Variants in LPAR1 observed in about 807,000 individuals in gnomAD.
LPAR1 encodes LPA receptor 1.
A neutral mutation model predicts 23.8 loss-of-function variants in LPAR1; 5 were observed. That is an observed-to-expected ratio of 0.21 (90% CI 0.11 to 0.44). The LOEUF (loss-of-function observed/expected upper bound fraction) is 0.44, where lower values mean the gene tolerates loss of function less well. Among genes scored for constraint, LPAR1 ranks in the 20% least tolerant of loss-of-function variants. LPAR1 has a pLI of 0.99. For synonymous variants in LPAR1, 160 were observed against 164.7 expected, an observed-to-expected ratio of 0.97 and a Z score of 0.22; for missense variants, 311 against 482.8, an observed-to-expected ratio of 0.64 and a Z score of 3.33.
At position 110,880,276 on chromosome 9, in the gene LPAR1, C is replaced by T. The variant is rs140192232; in HGVS notation, c.794-4554G>A. ...GGAGGGAGAGGTGCTGGAATGCAGACGCAAAAGGCAGGGAGGAATGAGGCT... is the reference window on the plus strand; with the variant it reads ...GGAGGGAGAGGTGCTGGAATGCAGATGCAAAAGGCAGGGAGGAATGAGGCT... On this transcript the variant is annotated intron_variant, in intron 5 of 5. Coordinates refer to ENST00000683809, the MANE Select transcript of LPAR1 (RefSeq NM_001351411.2). Among the ~76,000 whole-genome samples, 400 of 152,236 alleles carry T rather than the reference C, an allele frequency of 2.6e-3. 2 individuals carry two copies. The highest frequency in any genetic ancestry group is 9.1e-3 in the African/African-American group (379 of 41,526).
intron 4 of LPAR1, among the ~76,000 whole-genome samples, chr9:110,966,594 TTAAAG>T (rs1194049562): frequency 1.3e-5 from 2 of 151,952 alleles, no homozygotes; most frequent in Admixed American, 6.6e-5. Flanking sequence ...ATCCCAGAAC[TTAAAG>T]TAAAATATTT....
chr9:110,931,275 C>T (rs2094398184), intron 5 of LPAR1, among the ~76,000 whole-genome samples: 1 of 152,108 alleles, frequency 6.6e-6, no homozygotes, highest in Non-Finnish European at 1.5e-5. Context: ...TAGCACTTTG[C>T]CTGTTTTGTC....
At chr9:110,925,980 G>A (rs2093995532) in intron 5 of LPAR1, among the ~76,000 whole-genome samples, 1 of 152,148 alleles carries the variant, frequency 6.6e-6, no homozygotes, top group African/African-American at 2.4e-5. Context: ...GAGTGCAGTG[G>A]TGCGATCTCG....
At chr9:111,027,579 C>G (rs759916586) in intron 2 of LPAR1, among the ~76,000 whole-genome samples, 3 of 151,828 alleles carry the variant, frequency 2.0e-5, no homozygotes, top group Non-Finnish European at 4.4e-5. Context: ...CTGTCCTCAT[C>G]TAAGAAGTCA....
chr9:110,984,543 T>C (rs1184682721), intron 2 of LPAR1, among the ~76,000 whole-genome samples: 1 of 152,058 alleles, frequency 6.6e-6, no homozygotes, highest in Non-Finnish European at 1.5e-5. Flanking sequence ...AACATGAGAG[T>C]GAAGATACCT....
At chr9:111,026,730 G>A (rs550164740) in intron 2 of LPAR1, among the ~76,000 whole-genome samples, 187 of 152,238 alleles carry the variant, frequency 1.2e-3, no homozygotes, top group African/African-American at 4.1e-3. Context: ...AGTGTTTTTA[G>A]CATGAAAGGG....
Position 110,882,424 on chromosome 9 carries a change from C to T in LPAR1, c.794-6702G>A, listed in dbSNP as rs564249249. Among the ~76,000 whole-genome samples, 7 of 152,160 alleles carry T rather than the reference C, an allele frequency of 4.6e-5. No homozygotes were observed. In the South Asian group the frequency reaches 8.3e-4, roughly 18 times the overall value. On this transcript the variant is annotated intron_variant, in intron 5 of 5. Transcript: ENST00000683809. ...AATAAGTAGAAATGTCATTAAATTA[C>T]GGGTGGAAAATAAACATTAACATCT...
chr9:110,913,905 A>G (rs1355368669), intron 5 of LPAR1, among the ~76,000 whole-genome samples: 1 of 152,232 alleles, frequency 6.6e-6, no homozygotes, highest in Non-Finnish European at 1.5e-5. Context: ...GGTGCCTGCT[A>G]TATTTTTCCA....
At chr9:110,994,065 G>A (rs1176996476) in intron 2 of LPAR1, among the ~76,000 whole-genome samples, 1 of 152,128 alleles carries the variant, frequency 6.6e-6, no homozygotes, top group Non-Finnish European at 1.5e-5. Context: ...AAGTCTGGAA[G>A]ACATCACTTT....
At chr9:110,884,886 T>C (rs521339) in intron 5 of LPAR1, among the ~76,000 whole-genome samples, 143,661 of 152,284 alleles carry the variant, frequency 0.94, 68,608 homozygotes, top group Non-Finnish European at 0.97. Context: ...GGATCCTTGA[T>C]GTCTCTTAAT....
At position 110,934,845 on chromosome 9, in the gene LPAR1, G is replaced by C. The variant is rs75124839; in HGVS notation, c.793+6576C>G. ...AAACACACACACACACACACACACA[G>C]AGAGTGAGAGAGAGAGGAGAGGAGA... On this transcript the variant is annotated intron_variant, in intron 5 of 5. Transcript: ENST00000683809. Among the ~76,000 whole-genome samples the C allele has an allele frequency of 3.8e-3, 558 of 145,382 alleles. 1 individual carries two copies. Among genetic ancestry groups the C allele is most frequent in the African/African-American group, 5.9e-3 (210 of 35,672 alleles).
At chr9:111,012,488 C>T in intron 2 of LPAR1, among the ~76,000 whole-genome samples, 1 of 151,822 alleles carries the variant, frequency 6.6e-6, no homozygotes, top group East Asian at 1.9e-4. Context: ...CACACACACA[C>T]ACACACATAC....
At chr9:110,895,286 C>T (rs1401091801) in intron 5 of LPAR1, among the ~76,000 whole-genome samples, 1 of 152,190 alleles carries the variant, frequency 6.6e-6, no homozygotes, top group Non-Finnish European at 1.5e-5. Flanking sequence ...CCACTCTGAG[C>T]ATGCTCAGAG....
chr9:111,034,242 G>A (rs1484744318), intron 2 of LPAR1, among the ~76,000 whole-genome samples: 5 of 152,238 alleles, frequency 3.3e-5, no homozygotes, highest in South Asian at 2.1e-4. Context: ...CATTAATGCC[G>A]GTTTCAAACT....
chr9:110,962,795 T>G (rs1403479714), intron 4 of LPAR1, among the ~76,000 whole-genome samples: 2 of 152,162 alleles, frequency 1.3e-5, no homozygotes. Flanking sequence ...GTTATGCAAT[T>G]ACCAAATGGC....
intron 5 of LPAR1, among the ~76,000 whole-genome samples, chr9:110,908,120 CT>C (rs1438575929): frequency 4.6e-5 from 7 of 151,436 alleles, no homozygotes; most frequent in East Asian, 1.9e-4. Context: ...TTTTTCTTTT[CT>C]TTTTTTTCCC....
intron 5 of LPAR1, among the ~76,000 whole-genome samples, chr9:110,913,181 C>T (rs1162647426): frequency 6.6e-6 from 1 of 152,198 alleles, no homozygotes; most frequent in African/African-American, 2.4e-5. Context: ...ATAATAGATA[C>T]CATCTATCTA....
intron 5 of LPAR1, among the ~76,000 whole-genome samples, chr9:110,917,122 G>C (rs1233568262): frequency 6.6e-6 from 1 of 150,856 alleles, no homozygotes; most frequent in Non-Finnish European, 1.5e-5. Context: ...TGGATCACCT[G>C]AGGTCAGGAG....
intron 2 of LPAR1, among the ~76,000 whole-genome samples, chr9:110,975,551 T>C (rs16915618): frequency 0.28 from 42,336 of 152,090 alleles, 6,489 homozygotes; most frequent in African/African-American, 0.4. Flanking sequence ...TCATACTCTT[T>C]CCATAGGCCA....
Sources: allele counts gnomAD v4.1 joint callset (sites outside exome capture counted in the v4.1 genomes callset), GRCh38; gene constraint gnomAD v4.1.1; transcripts MANE v1.5; gene names NCBI Gene and HGNC (gene_info 2026-07-23, HGNC 2026-07-21).